Variants in DIAPH3 observed in about 807,000 individuals in gnomAD.
The protein encoded by DIAPH3 is protein diaphanous homolog 3.
Under a neutral mutation model 144.3 loss-of-function variants are expected in DIAPH3, and 117 were observed. The ratio of observed to expected loss-of-function variants is 0.81; its 90% CI spans 0.70 to 0.95. DIAPH3 has a LOEUF of 0.95. Among genes scored for constraint, DIAPH3 ranks in the 40% least tolerant of loss-of-function variants. DIAPH3 has a pLI of 0.00. For synonymous variants in DIAPH3, 519 were observed against 488.9 expected (o/e 1.06, Z -0.81); for missense variants, 1,421 against 1,412.7 (o/e 1.01, Z -0.09).
At chr13:59,694,327 G>C (rs1262030536) in intron 27 of DIAPH3, among the ~76,000 whole-genome samples, 1 of 152,082 alleles carries the variant, frequency 6.6e-6, no homozygotes, top group African/African-American at 2.4e-5. Flanking sequence ...AGTGTATGAG[G>C]TTGATACACT....
intron 26 of DIAPH3, 36 bp downstream of exon 26, chr13:59,774,692 C>T (rs779624116): frequency 1.3e-6 from 2 of 1,564,664 alleles, no homozygotes; most frequent in African/African-American, 2.7e-5. Context: ...TGTGATAGCT[C>T]CCTAGAAAGT....
intron 3 of DIAPH3, among the ~76,000 whole-genome samples, chr13:60,110,134 T>C (rs1169675409): frequency 1.3e-5 from 2 of 152,174 alleles, no homozygotes; most frequent in Admixed American, 6.5e-5. Flanking sequence ...AAGGACTGTC[T>C]TGAGGAGGGA....
At chr13:60,117,500 G>A (rs945705667) in intron 2 of DIAPH3, among the ~76,000 whole-genome samples, 1 of 152,030 alleles carries the variant, frequency 6.6e-6, no homozygotes, top group Non-Finnish European at 1.5e-5. Flanking sequence ...AATACCTGAG[G>A]CTAAAAGTAA....
At chr13:59,841,879 T>C (rs1006726746) in intron 22 of DIAPH3, among the ~76,000 whole-genome samples, 2 of 152,086 alleles carry the variant, frequency 1.3e-5, no homozygotes, top group African/African-American at 2.4e-5. Flanking sequence ...ATTTTACAGA[T>C]GAGGAAACTG....
At chr13:59,858,957 T>C (rs953012963) in intron 22 of DIAPH3, among the ~76,000 whole-genome samples, 9 of 152,184 alleles carry the variant, frequency 5.9e-5, no homozygotes, top group African/African-American at 1.9e-4. Context: ...GGATTTGTTA[T>C]GCCTCAAAAA....
chr13:59,692,260 G>A (rs1435061916), intron 27 of DIAPH3, among the ~76,000 whole-genome samples: 1 of 149,696 alleles, frequency 6.7e-6, no homozygotes, highest in Non-Finnish European at 1.5e-5. Context: ...AAGGAAGGTT[G>A]AGGTTTAACA....
At chr13:59,817,452 CTT>C (rs1370100679) in intron 24 of DIAPH3, among the ~76,000 whole-genome samples, 4 of 151,792 alleles carry the variant, frequency 2.6e-5, no homozygotes, top group African/African-American at 4.8e-5. Context: ...TAATTAATGT[CTT>C]GAGTCAATTG....
intron 27 of DIAPH3, among the ~76,000 whole-genome samples, chr13:59,712,720 ACT>A (rs1798402432): frequency 6.6e-6 from 1 of 152,098 alleles, no homozygotes; most frequent in African/African-American, 2.4e-5. Flanking sequence ...AAACTACCAC[ACT>A]TACAGTTACT....
chr13:59,761,758 T>C (rs9538513), intron 27 of DIAPH3, among the ~76,000 whole-genome samples: 52,006 of 152,028 alleles, frequency 0.34, 9,371 homozygotes, highest in African/African-American at 0.44. Flanking sequence ...AGAAAATTCC[T>C]CTTTAGGTTT....
chr13:59,706,189 T>C (rs1196726322), intron 27 of DIAPH3, among the ~76,000 whole-genome samples: 4 of 152,190 alleles, frequency 2.6e-5, no homozygotes, highest in African/African-American at 9.6e-5. Flanking sequence ...TACACTGTAT[T>C]GTTTAAGGAA....
At chr13:60,137,990 C>T (rs9570260) in intron 1 of DIAPH3, among the ~76,000 whole-genome samples, 23,983 of 151,942 alleles carry the variant, frequency 0.16, 2,027 homozygotes, top group Middle Eastern at 0.22. Flanking sequence ...TCCCAAAGTG[C>T]TGGGATTAAA....
chr13:59,793,731 T>C (rs190653375), intron 25 of DIAPH3, among the ~76,000 whole-genome samples: 1 of 152,306 alleles, frequency 6.6e-6, no homozygotes, highest in East Asian at 1.9e-4. Flanking sequence ...TCCCAAGTTT[T>C]TATCACCAGC....
intron 5 of DIAPH3, among the ~76,000 whole-genome samples, chr13:60,040,917 G>A (rs182047772): frequency 3.9e-5 from 6 of 152,050 alleles, no homozygotes; most frequent in Admixed American, 3.3e-4. Flanking sequence ...AGGTTCAAGC[G>A]ATTCTCCTGC....
chr13:59,718,983 A>G (rs1220133414), intron 27 of DIAPH3, among the ~76,000 whole-genome samples: 4 of 152,182 alleles, frequency 2.6e-5, no homozygotes, highest in Non-Finnish European at 4.4e-5. Flanking sequence ...GAAAATAAAC[A>G]CAATATAATG....
chr13:59,828,208 G>A (rs990293082), intron 24 of DIAPH3, among the ~76,000 whole-genome samples: 5 of 151,798 alleles, frequency 3.3e-5, no homozygotes, highest in Admixed American at 6.6e-5. Context: ...AATCTATTAC[G>A]AAAAGATGCT....
At chr13:60,121,534 G>A (rs1210281460) in intron 2 of DIAPH3, among the ~76,000 whole-genome samples, 1 of 152,178 alleles carries the variant, frequency 6.6e-6, no homozygotes, top group Non-Finnish European at 1.5e-5. Context: ...TACTCTGATG[G>A]TTTATGCTTC....
intron 24 of DIAPH3, among the ~76,000 whole-genome samples, chr13:59,825,894 T>C (rs546046953): frequency 3.7e-4 from 57 of 152,272 alleles, no homozygotes; most frequent in African/African-American, 1.3e-3. Context: ...AATCAATAAA[T>C]GTAATCCAGC....
intron 4 of DIAPH3, among the ~76,000 whole-genome samples, chr13:60,047,784 CAA>C (rs1242982712): frequency 2.0e-5 from 3 of 152,238 alleles, no homozygotes; most frequent in Middle Eastern, 3.4e-3. Flanking sequence ...TCATTAAATT[CAA>C]AAGTCTCTTA....
intron 25 of DIAPH3, among the ~76,000 whole-genome samples, chr13:59,779,863 C>T (rs1284940843): frequency 6.6e-6 from 1 of 152,080 alleles, no homozygotes; most frequent in East Asian, 1.9e-4. Context: ...TTAGGTATAA[C>T]ATCATTTCTA....
Sources: gnomAD v4.1 joint callset for allele counts (sites outside exome capture counted in the v4.1 genomes callset) on GRCh38, gnomAD v4.1.1 for gene constraint, MANE v1.5 for transcripts, NCBI Gene and HGNC (gene_info 2026-07-23, HGNC 2026-07-21) for gene names.